Variants in INPP5D observed in about 807,000 individuals in gnomAD.
INPP5D encodes the protein inositol polyphosphate-5-phosphatase D, also known as phosphatidylinositol 3,4,5-trisphosphate 5-phosphatase 1.
INPP5D carries 33 observed loss-of-function variants against 122.9 expected under a neutral mutation model. The ratio of observed to expected loss-of-function variants is 0.27; its 90% CI spans 0.20 to 0.36. The LOEUF (loss-of-function observed/expected upper bound fraction) is 0.36. INPP5D is among the 10% of genes least tolerant of loss of function. The pLI, the probability that INPP5D is intolerant of heterozygous loss-of-function variation, is 1.00. For missense variants in INPP5D, 1,053 were observed against 1,412.7 expected (o/e 0.75, Z 4.08); for synonymous variants, 584 against 576.2 (o/e 1.01, Z -0.19).
intron 18 of INPP5D, among the ~76,000 whole-genome samples, chr2:233,181,816 G>T (rs1694791716): frequency 6.6e-6 from 1 of 152,166 alleles, no homozygotes; most frequent in South Asian, 2.1e-4. Context: ...AATAAAGTGA[G>T]CCAGGCGTGG....
At position 233,164,974 on chromosome 2, in the gene INPP5D, C is replaced by T. The variant is rs1694290985; in HGVS notation, c.1555+550C>T. Among the ~76,000 whole-genome samples the T allele has an allele frequency of 6.6e-6, 1 of 152,182 alleles. No individual in the cohort carries two copies. Among genetic ancestry groups the T allele is most frequent in the African/African-American group, 2.4e-5 (1 of 41,438 alleles). On this transcript the variant is annotated intron_variant, in intron 13 of 26. Coordinates refer to ENST00000445964, the MANE Select transcript of INPP5D (RefSeq NM_001017915.3). The surrounding 1 kb of genome is among the most constrained non-coding windows in gnomAD (Gnocchi z 4.3). ...CTGGCCCCTGCCCTCGGTCCCTGTG[C>T]ACCAGGTTGGATCTGGAAACGCTGG...
chr2:233,125,969 C>A (rs771120429), intron 4 of INPP5D, 50 bp downstream of exon 4: 1 of 1,573,640 alleles, frequency 6.4e-7, no homozygotes, highest in Non-Finnish European at 8.7e-7. Context: ...GTGAGCCCAG[C>A]CAGGGCAGGG....
At chr2:233,201,565 C>CTG (rs1432834177) in intron 25 of INPP5D, among the ~76,000 whole-genome samples, 1 of 152,238 alleles carries the variant, frequency 6.6e-6, no homozygotes, top group Non-Finnish European at 1.5e-5. Context: ...AGAGCAAAGG[C>CTG]TGTGGAAGGG....
rs1692278488 is a variant in INPP5D, at chr2:233,100,474, T to A, written c.198+21076T>A. Among the ~76,000 whole-genome samples, 1 of 152,154 alleles carries A rather than the reference T, an allele frequency of 6.6e-6. No individual in the cohort carries two copies. Among genetic ancestry groups the A allele is most frequent in the Non-Finnish European group, 1.5e-5 (1 of 68,022 alleles). On this transcript the variant is annotated intron_variant, in intron 2 of 26. Transcript: ENST00000445964. This position sits in a 1 kb window ranked among gnomAD's most constrained non-coding sequence, Gnocchi z 5.3. ...GGGGTGGACGTCAAGCTCACTACACTGTAAACTCCAAAACAGCCCACGTTA... is the reference window on the plus strand; with the variant it reads ...GGGGTGGACGTCAAGCTCACTACACAGTAAACTCCAAAACAGCCCACGTTA...
chr2:233,065,307 GTTTT>G lies in INPP5D; in HGVS notation c.134+4712_134+4715del, dbSNP rs376982879. ...CATGAACACAATCAGCACTTCTTGG[GTTTT>G]TTTTTTTTTTTTTTTTGACAGAGTC... On this transcript the variant is annotated intron_variant, in intron 1 of 26. Transcript: ENST00000445964. 6.8e-4 allele frequency among the ~76,000 whole-genome samples: 79 copies of G among 116,952 alleles called. 1 individual carries two copies. Among genetic ancestry groups the G allele is most frequent in the African/African-American group, 2.4e-3 (73 of 30,572 alleles). The allele number at this position is 116,952 out of a possible 152,430, so 76.7% of individuals were successfully genotyped here.
intron 9 of INPP5D, among the ~76,000 whole-genome samples, chr2:233,157,295 G>A (rs36195783): frequency 0.17 from 25,443 of 151,998 alleles, 3,834 homozygotes; most frequent in African/African-American, 0.4. Context: ...GGTAAAGGCT[G>A]TGCCTCGGCC....
intron 12 of INPP5D, 93 bp downstream of exon 12, chr2:233,163,996 G>A: frequency 6.7e-7 from 1 of 1,493,358 alleles, no homozygotes; most frequent in African/African-American, 1.4e-5. Context: ...CAGCCTATCA[G>A]CTCTCAGTTT....
rs148310603 is a variant in INPP5D, at chr2:233,099,935, G to A, written c.198+20537G>A. ...GCGGAAGGTGAAGGGCACATCTCATGTGGCAGACAAGAGAAGAATGAGCTT... is the reference window on the plus strand; with the variant it reads ...GCGGAAGGTGAAGGGCACATCTCATATGGCAGACAAGAGAAGAATGAGCTT... On this transcript the variant is annotated intron_variant, in intron 2 of 26. Coordinates refer to ENST00000445964, the MANE Select transcript of INPP5D (RefSeq NM_001017915.3). Among the ~76,000 whole-genome samples the A allele has an allele frequency of 9.5e-4, 144 of 151,288 alleles. No individual in the cohort carries two copies. The Middle Eastern group carries it at 0.01, about 11-fold the overall frequency.
In INPP5D at chr2:233,198,086, TC is replaced by T; in HGVS notation, c.2694-6del. On this transcript the variant is annotated splice_polypyrimidine_tract_variant and splice_region_variant and intron_variant, in intron 24 of 26. Transcript: ENST00000445964. ...ACCCCTGAGATGTGACTCCATGTCC[TC>T]CCTGCAGGGCCCCTCCGTGCAGTGG... 1 of 1,570,934 alleles carries T rather than the reference TC, an allele frequency of 6.4e-7. No individual in the cohort carries two copies. The highest frequency in any genetic ancestry group is 8.6e-7 in the Non-Finnish European group (1 of 1,156,734).
intron 18 of INPP5D, among the ~76,000 whole-genome samples, chr2:233,178,257 A>G (rs1306332995): frequency 1.3e-5 from 2 of 152,114 alleles, no homozygotes; most frequent in African/African-American, 2.4e-5. Flanking sequence ...CGTAGACTCC[A>G]TCTCTGAAAA....
intron 2 of INPP5D, among the ~76,000 whole-genome samples, chr2:233,080,570 T>C (rs1574709137): frequency 6.6e-6 from 1 of 152,012 alleles, no homozygotes; most frequent in South Asian, 2.1e-4. Flanking sequence ...GGTTTGGATA[T>C]CATGTCATGG....
At chr2:233,200,875 C>A (rs1287403516) in intron 25 of INPP5D, among the ~76,000 whole-genome samples, 2 of 151,958 alleles carry the variant, frequency 1.3e-5, no homozygotes, top group African/African-American at 2.4e-5. Context: ...ACACGAGAAT[C>A]GCTTGAACCC....
rs764971706 is a variant in INPP5D at position 233,125,721 on chromosome 2, T to C, written c.350-24T>C. 3.7e-6 allele frequency: 6 copies of C among 1,602,338 alleles called. No individual in the cohort carries two copies. In the Admixed American group the frequency reaches 8.5e-5, roughly 23 times the overall value. On this transcript the variant is annotated intron_variant, in intron 3 of 26. Transcript: ENST00000445964. ...GTTGTGCGCACAGTGTCCTCACCAA[T>C]GGCCTTCCTGCTGTTCTCTCCAGTA...
intron 2 of INPP5D, among the ~76,000 whole-genome samples, chr2:233,115,892 G>A (rs1692774320): frequency 6.6e-6 from 1 of 152,112 alleles, no homozygotes; most frequent in Admixed American, 6.6e-5. Flanking sequence ...ATGAGCTTGT[G>A]GGGAAGGCAG....
At chr2:233,141,128 G>A (rs1246764569) in intron 6 of INPP5D, 1 of 152,120 alleles carries the variant, frequency 6.6e-6, no homozygotes, top group African/African-American at 2.4e-5. Flanking sequence ...CTGCTGTTGG[G>A]AATGGAAATG....
chr2:233,096,880 T>C (rs75417722), intron 2 of INPP5D, among the ~76,000 whole-genome samples: 1,591 of 152,330 alleles, frequency 0.01, 15 homozygotes, highest in Non-Finnish European at 0.017. Context: ...TTTTGTCATG[T>C]GGAAGTTTAA....
chr2:233,085,119 C>T (rs1274357388), intron 2 of INPP5D, among the ~76,000 whole-genome samples: 1 of 152,204 alleles, frequency 6.6e-6, no homozygotes, highest in Non-Finnish European at 1.5e-5. Flanking sequence ...GGTGCAGTGG[C>T]TCACTCCTGT....
chr2:233,130,547 A>G lies in INPP5D; in HGVS notation c.564A>G (p.Leu188=), dbSNP rs145793221. ...EEHLKAIQDY[L]STQLAQDSEF... Reference sequence around the variant, plus strand: ...ATCTTAAGGCCATCCAAGATTATTTAAGCACTCAGCTCGCCCAGGACTCTG... The same window carrying G: ...ATCTTAAGGCCATCCAAGATTATTTGAGCACTCAGCTCGCCCAGGACTCTG... Residue 188 remains leucine (L), a synonymous_variant, in exon 5 of 27, where the codon TTA becomes TTG. Transcript: ENST00000445964. 205 of 1,613,898 alleles carry G rather than the reference A, an allele frequency of 1.3e-4. No homozygotes were observed. The African/African-American group carries it at 2.4e-3, about 19-fold the overall frequency.
chr2:233,116,750 C>G (rs1264265458), intron 2 of INPP5D, among the ~76,000 whole-genome samples: 2 of 152,048 alleles, frequency 1.3e-5, no homozygotes, highest in African/African-American at 2.4e-5. Context: ...GCGCCTGCCA[C>G]TGCACCTGGC....
Sources: allele counts gnomAD v4.1 joint callset (sites outside exome capture counted in the v4.1 genomes callset), GRCh38; gene constraint gnomAD v4.1.1; non-coding constraint Gnocchi (gnomAD v3.1); transcripts MANE v1.5; gene names NCBI Gene and HGNC (gene_info 2026-07-23, HGNC 2026-07-21).